PLXNA2: variants seen among roughly 807,000 people sequenced by gnomAD.
The protein encoded by PLXNA2 is plexin-A2.
A neutral mutation model predicts 193.5 loss-of-function variants in PLXNA2; 91 were observed. The observed-to-expected ratio is 0.47, with a 90% CI of 0.40 to 0.56. PLXNA2 has a LOEUF of 0.56. Among genes scored for constraint, PLXNA2 ranks in the 20% least tolerant of loss-of-function variants. PLXNA2 has a pLI of 0.00. For missense variants in PLXNA2, 1,995 were observed against 2,503.2 expected (o/e 0.80, Z 4.33); for synonymous variants, 997 against 1,027.3 (o/e 0.97, Z 0.56).
At chr1:208,232,717 T>C (rs1558258159) in intron 1 of PLXNA2, among the ~76,000 whole-genome samples, 1 of 152,206 alleles carries the variant, frequency 6.6e-6, no homozygotes, top group Non-Finnish European at 1.5e-5. Flanking sequence ...GTGTTAATTT[T>C]AACATGATTA....
chr1:208,226,991 C>T (rs547540600), intron 1 of PLXNA2, among the ~76,000 whole-genome samples: 9 of 152,366 alleles, frequency 5.9e-5, no homozygotes, highest in Admixed American at 5.2e-4. Flanking sequence ...AAGGTCATCC[C>T]ACCTCTTCCC....
At chr1:208,233,505 G>A (rs1037159319) in intron 1 of PLXNA2, among the ~76,000 whole-genome samples, 1 of 152,230 alleles carries the variant, frequency 6.6e-6, no homozygotes, top group Non-Finnish European at 1.5e-5. Context: ...GGGGCCCGCA[G>A]TGGAAGTCAA....
intron 3 of PLXNA2, among the ~76,000 whole-genome samples, chr1:208,157,119 T>A (rs772898765): frequency 6.6e-6 from 1 of 152,234 alleles, no homozygotes; most frequent in Non-Finnish European, 1.5e-5. Flanking sequence ...GTCTGGGAAA[T>A]GTCCTGAAAA....
At chr1:208,059,493 C>A (rs1219308272) in intron 13 of PLXNA2, among the ~76,000 whole-genome samples, 1 of 152,170 alleles carries the variant, frequency 6.6e-6, no homozygotes, top group African/African-American at 2.4e-5. Flanking sequence ...CTGGGCCCTG[C>A]GAGAATCACG....
chr1:208,067,134 C>T (rs544040861), intron 12 of PLXNA2, among the ~76,000 whole-genome samples: 4 of 152,128 alleles, frequency 2.6e-5, no homozygotes, highest in South Asian at 4.2e-4. Flanking sequence ...CACCTGAGTT[C>T]GGGAGTTTGA....
At chr1:208,112,144 AT>A (rs1367791486) in intron 4 of PLXNA2, among the ~76,000 whole-genome samples, 2 of 152,018 alleles carry the variant, frequency 1.3e-5, no homozygotes, top group Non-Finnish European at 1.5e-5. Flanking sequence ...TTTCAATGAC[AT>A]TTTTTTTCCT....
intron 2 of PLXNA2, among the ~76,000 whole-genome samples, chr1:208,213,945 T>C (rs1259249769): frequency 6.6e-6 from 1 of 152,178 alleles, no homozygotes; most frequent in Admixed American, 6.5e-5. Context: ...GAGAAGAGTG[T>C]CATCTTCCTC....
At chr1:208,240,037 C>A (rs547288772) in intron 1 of PLXNA2, among the ~76,000 whole-genome samples, 2 of 152,186 alleles carry the variant, frequency 1.3e-5, no homozygotes, top group African/African-American at 4.8e-5. Context: ...GCAGGGAAGG[C>A]GGTTAATGGT....
intron 26 of PLXNA2, among the ~76,000 whole-genome samples, 176 bp from the exon 27 acceptor site, chr1:208,034,768 C>T (rs1664620529): frequency 1.3e-5 from 2 of 152,158 alleles, no homozygotes; most frequent in Admixed American, 6.5e-5. Flanking sequence ...GTTAGAGCTG[C>T]ATAACCCAAT....
At chr1:208,041,925 T>C (rs1017451462) in intron 22 of PLXNA2, among the ~76,000 whole-genome samples, 173 bp downstream of exon 22, 2 of 152,222 alleles carry the variant, frequency 1.3e-5, no homozygotes, top group African/African-American at 4.8e-5. Flanking sequence ...CTCCCTGGGC[T>C]GAGGGAAAGT....
chr1:208,047,988 G>A (rs910692856), intron 17 of PLXNA2, among the ~76,000 whole-genome samples: 1 of 152,166 alleles, frequency 6.6e-6, no homozygotes, highest in African/African-American at 2.4e-5. Flanking sequence ...GGGAGGTTGA[G>A]GGGTGTGGTG....
At chr1:208,186,717 T>TTTGTTTTTTG (rs138123658) in intron 3 of PLXNA2, among the ~76,000 whole-genome samples, 23,411 of 136,082 alleles carry the variant, frequency 0.17, 3,144 homozygotes, top group Non-Finnish European at 0.25. Flanking sequence ...TATTTTATTT[T>TTTGTTTTTTG]TTTTTTTTTT....
rs142755927 is a variant in PLXNA2, at chr1:208,035,346, C to G, written c.4765-754G>C. Among the ~76,000 whole-genome samples the G allele has an allele frequency of 2.7e-3, 417 of 152,264 alleles. 2 individuals carry two copies. Among genetic ancestry groups the G allele is most frequent in the Non-Finnish European group, 4.2e-3 (289 of 68,022 alleles). ...ATTTCGAGTCACACTGGTCTGAAGC[C>G]CATTTTCCCTTTTGGCTCTGCTTTC... On this transcript the variant is annotated intron_variant, in intron 26 of 31. Coordinates refer to ENST00000367033, the MANE Select transcript of PLXNA2 (RefSeq NM_025179.4).
chr1:208,104,255 C>T (rs922391045), intron 4 of PLXNA2, among the ~76,000 whole-genome samples: 7 of 152,296 alleles, frequency 4.6e-5, no homozygotes, highest in African/African-American at 7.2e-5. Flanking sequence ...AAAGATATGA[C>T]GGAGACATCT....
chr1:208,141,766 G>C (rs151212073), intron 4 of PLXNA2, among the ~76,000 whole-genome samples: 1 of 152,150 alleles, frequency 6.6e-6, no homozygotes, highest in Non-Finnish European at 1.5e-5. Flanking sequence ...ATCCCAGAGG[G>C]TGGAAGACTT....
At chr1:208,224,186 C>A (rs1172409153) in intron 1 of PLXNA2, among the ~76,000 whole-genome samples, 1 of 152,078 alleles carries the variant, frequency 6.6e-6, no homozygotes, top group Non-Finnish European at 1.5e-5. Context: ...GGCTGAAAGT[C>A]CTCAATTAGA....
chr1:208,079,892 A>G (rs960624117), intron 11 of PLXNA2, among the ~76,000 whole-genome samples: 1 of 151,844 alleles, frequency 6.6e-6, no homozygotes, highest in African/African-American at 2.4e-5. Flanking sequence ...TTTTCTTTGA[A>G]CTCGTGCTAT....
Position 208,028,818 on chromosome 1 carries a change from G to A in PLXNA2, c.5438+12C>T. The stretch of plus-strand genomic sequence containing the variant: ...GACAAGGGCATGGGCCTGTCCTGAG[G>A]GTGCTACTGACCTCTCCACCCAGCT... On this transcript the variant is annotated intron_variant, in intron 30 of 31. Coordinates refer to ENST00000367033, the MANE Select transcript of PLXNA2 (RefSeq NM_025179.4). The surrounding 1 kb of genome is among the most constrained non-coding windows in gnomAD (Gnocchi z 4.2). The A allele has an allele frequency of 6.2e-7, 1 of 1,611,800 alleles. No individual in the cohort carries two copies. Among genetic ancestry groups the A allele is most frequent in the Non-Finnish European group, 8.5e-7 (1 of 1,178,452 alleles).
At chr1:208,221,881 C>T (rs567657497) in intron 1 of PLXNA2, among the ~76,000 whole-genome samples, 11 of 152,278 alleles carry the variant, frequency 7.2e-5, no homozygotes, top group Admixed American at 5.2e-4. Flanking sequence ...TAGCTGTGTA[C>T]ACTTGGTCAA....
Sources: gnomAD v4.1 joint callset for allele counts (sites outside exome capture counted in the v4.1 genomes callset) on GRCh38, gnomAD v4.1.1 for gene constraint, Gnocchi (gnomAD v3.1) non-coding constraint, MANE v1.5 for transcripts, NCBI Gene and HGNC (gene_info 2026-07-23, HGNC 2026-07-21) for gene names.